The following NKAIN3 variants were observed in gnomAD, a reference collection of about 807,000 sequenced individuals.
NKAIN3 encodes sodium/potassium transporting ATPase interacting 3.
A neutral mutation model predicts 30.2 loss-of-function variants in NKAIN3; 25 were observed. The observed-to-expected ratio is 0.83, with a 90% CI of 0.60 to 1.16. The LOEUF (loss-of-function observed/expected upper bound fraction) is 1.16, where lower values mean the gene tolerates loss of function less well. NKAIN3 is among the 50% of genes most tolerant of loss of function. The pLI is 0.00. For synonymous variants in NKAIN3, 91 were observed against 89.6 expected (o/e 1.02, Z -0.09); for missense variants, 225 against 254.1 (o/e 0.89, Z 0.78).
At chr8:62,281,063 G>A (rs1205376020) in intron 1 of NKAIN3, among the ~76,000 whole-genome samples, 1 of 152,122 alleles carries the variant, frequency 6.6e-6, no homozygotes, top group Non-Finnish European at 1.5e-5. Flanking sequence ...CCTGTTATTG[G>A]TCTATTCAGG....
At chr8:62,949,647 T>C (rs1475025303) in intron 5 of NKAIN3, among the ~76,000 whole-genome samples, 2 of 152,168 alleles carry the variant, frequency 1.3e-5, no homozygotes, top group African/African-American at 4.8e-5. Context: ...CCTCAGGTTC[T>C]GAGAATGGGT....
At chr8:62,391,057 T>C (rs1259174603) in intron 1 of NKAIN3, among the ~76,000 whole-genome samples, 1 of 152,178 alleles carries the variant, frequency 6.6e-6, no homozygotes, top group African/African-American at 2.4e-5. Context: ...TTAGATCCTG[T>C]TTGTCAATTT....
chr8:62,935,914 A>C (rs993331815), intron 5 of NKAIN3, among the ~76,000 whole-genome samples: 1 of 152,152 alleles, frequency 6.6e-6, no homozygotes, highest in African/African-American at 2.4e-5. Flanking sequence ...TACTGAAAAA[A>C]TCTAAAAACA....
intron 1 of NKAIN3, among the ~76,000 whole-genome samples, chr8:62,262,040 A>T (rs1244606855): frequency 1.3e-5 from 2 of 152,312 alleles, no homozygotes; most frequent in Non-Finnish European, 2.9e-5. Flanking sequence ...TGCATTAAAA[A>T]AAAGAGTCAC....
intron 4 of NKAIN3, among the ~76,000 whole-genome samples, chr8:62,817,553 C>T (rs1818722320): frequency 6.6e-6 from 1 of 152,124 alleles, no homozygotes; most frequent in Non-Finnish European, 1.5e-5. Flanking sequence ...GAGCTCTCTG[C>T]CTCTGATATT....
At chr8:62,752,265 A>C (rs1175228442) in intron 4 of NKAIN3, among the ~76,000 whole-genome samples, 1 of 152,144 alleles carries the variant, frequency 6.6e-6, no homozygotes, top group African/African-American at 2.4e-5. Flanking sequence ...CTAGTTTCAC[A>C]TTGCTATTAC....
intron 1 of NKAIN3, among the ~76,000 whole-genome samples, chr8:62,306,403 C>A (rs1814239785): frequency 6.7e-6 from 1 of 149,992 alleles, no homozygotes; most frequent in South Asian, 2.1e-4. Flanking sequence ...ACTATTAAAG[C>A]AGAATGCAAT....
At chr8:62,914,959 C>G (rs766929784) in intron 4 of NKAIN3, among the ~76,000 whole-genome samples, 38 of 152,008 alleles carry the variant, frequency 2.5e-4, no homozygotes, top group Non-Finnish European at 4.1e-4. Context: ...CTCCTTGCCC[C>G]CCCACAGGCC....
chr8:62,863,262 T>C (rs1418838544), intron 4 of NKAIN3: 1 of 1,560,180 alleles, frequency 6.4e-7, no homozygotes, highest in African/African-American at 1.4e-5. Context: ...TGTTTTTAGA[T>C]ATTTTTCCTA....
chr8:62,763,353 T>C (rs900742286), intron 4 of NKAIN3, among the ~76,000 whole-genome samples: 4 of 151,556 alleles, frequency 2.6e-5, no homozygotes, highest in African/African-American at 9.7e-5. Flanking sequence ...TGGTTCGGAA[T>C]TGATTGTCAT....
intron 4 of NKAIN3, among the ~76,000 whole-genome samples, chr8:62,821,097 T>C (rs991291266): frequency 6.6e-6 from 1 of 152,152 alleles, no homozygotes; most frequent in African/African-American, 2.4e-5. Context: ...TTTTATAAAA[T>C]GACAGTTGAG....
At chr8:62,540,812 T>C (rs1296973586) in intron 1 of NKAIN3, among the ~76,000 whole-genome samples, 1 of 152,110 alleles carries the variant, frequency 6.6e-6, no homozygotes, top group Non-Finnish European at 1.5e-5. Context: ...TTTATTATGA[T>C]AAAGTGTTTC....
chr8:62,320,276 C>T (rs921781046), intron 1 of NKAIN3, among the ~76,000 whole-genome samples: 1 of 152,094 alleles, frequency 6.6e-6, no homozygotes, highest in Non-Finnish European at 1.5e-5. Flanking sequence ...TGGGGCCTGA[C>T]TCTTTATCCA....
chr8:62,651,117 A>G (rs890036863), intron 3 of NKAIN3, among the ~76,000 whole-genome samples: 2 of 147,728 alleles, frequency 1.4e-5, no homozygotes, highest in Non-Finnish European at 3.0e-5. Flanking sequence ...TACCTAAAAG[A>G]AAAAAAAAAA....
chr8:62,249,158 C>T (rs1811997813), intron 1 of NKAIN3, 31 bp downstream of exon 1: 2 of 1,510,746 alleles, frequency 1.3e-6, no homozygotes, highest in African/African-American at 1.4e-5. Context: ...TGCCCCAGGA[C>T]AGGTCCCTGC....
At chr8:62,985,512 A>G (rs143350226), downstream of NKAIN3, among the ~76,000 whole-genome samples, 2 of 152,318 alleles carry the variant, frequency 1.3e-5, no homozygotes, top group Admixed American at 6.5e-5. Context: ...GAGACAGGTC[A>G]TCAAAACATC....
At chr8:62,567,663 G>A (rs1389735516) in intron 1 of NKAIN3, among the ~76,000 whole-genome samples, 1 of 151,936 alleles carries the variant, frequency 6.6e-6, no homozygotes, top group South Asian at 2.1e-4. Flanking sequence ...TAGTGGAAGA[G>A]GGCCACCCAT....
intron 4 of NKAIN3, among the ~76,000 whole-genome samples, chr8:62,786,945 C>CTACCCTG (rs1269166738): frequency 6.6e-6 from 1 of 152,140 alleles, no homozygotes; most frequent in East Asian, 1.9e-4. Context: ...CAGCTGCTCT[C>CTACCCTG]TACCCTGAAC....
rs142839304 is a variant in NKAIN3, at chr8:62,341,182, A to G, written c.54+92055A>G. Reference sequence around the variant, plus strand: ...TACACAAGTGACAATGGGGAATTTGATCTATTTGTGTATGTAATTATGAGT... The same window carrying G: ...TACACAAGTGACAATGGGGAATTTGGTCTATTTGTGTATGTAATTATGAGT... On this transcript the variant is annotated intron_variant, in intron 1 of 6. Transcript: ENST00000623646. Among the ~76,000 whole-genome samples the G allele has an allele frequency of 4.8e-3, 732 of 152,074 alleles. 4 individuals are homozygous for G. The highest frequency in any genetic ancestry group is 8.1e-3 in the Non-Finnish European group (548 of 67,964).
Sources: allele counts gnomAD v4.1 joint callset (sites outside exome capture counted in the v4.1 genomes callset), GRCh38; gene constraint gnomAD v4.1.1; transcripts MANE v1.5; gene names NCBI Gene and HGNC (gene_info 2026-07-23, HGNC 2026-07-21).